ANXA6: variants seen among roughly 807,000 people sequenced by gnomAD.
ANXA6 encodes the protein annexin A6, also known as 67 kDa calelectrin.
ANXA6 carries 71 observed loss-of-function variants against 95.4 expected under a neutral mutation model. The observed-to-expected ratio is 0.74, with a 90% CI of 0.61 to 0.91. The LOEUF (loss-of-function observed/expected upper bound fraction) is 0.91. Ranked by LOEUF, ANXA6 falls within the 40% of genes least tolerant of loss-of-function variation. The pLI, the probability that ANXA6 is intolerant of heterozygous loss-of-function variation, is 0.00. For missense variants in ANXA6, 830 were observed against 876.4 expected (o/e 0.95, Z 0.67); for synonymous variants, 289 against 315.9 (o/e 0.91, Z 0.90).
chr5:151,139,230 T>C (rs1561582183), intron 4 of ANXA6, 123 bp downstream of exon 4: 1 of 674,608 alleles, frequency 1.5e-6, no homozygotes, highest in Non-Finnish European at 2.5e-6. Context: ...AAGAGCAGGG[T>C]AAGGTGTCAG....
At chr5:151,107,865 T>C (rs1764739961) in intron 23 of ANXA6, among the ~76,000 whole-genome samples, 1 of 152,168 alleles carries the variant, frequency 6.6e-6, no homozygotes, top group Admixed American at 6.5e-5. Context: ...GTGTGTCATC[T>C]GCATCTAGCG....
intron 4 of ANXA6, chr5:151,139,145 C>T: frequency 1.7e-6 from 1 of 592,650 alleles, no homozygotes. Context: ...GCCCTAACAC[C>T]TAGCACGAGC....
intron 2 of ANXA6, chr5:151,141,596 T>C (rs1765836768): frequency 1.0e-6 from 1 of 985,528 alleles, no homozygotes; most frequent in Non-Finnish European, 1.2e-6. Context: ...CCCGTCTCCG[T>C]GCCTCCCAAC....
chr5:151,117,859 T>G, intron 18 of ANXA6, 22 bp from the exon 19 acceptor site: 1 of 1,602,180 alleles, frequency 6.2e-7, no homozygotes, highest in Non-Finnish European at 8.5e-7. Context: ...AAAGGGGGTG[T>G]GGGTAGCTGC....
chr5:151,103,724 C>G, intron 24 of ANXA6, 32 bp from the exon 25 acceptor site: 1 of 1,590,378 alleles, frequency 6.3e-7, no homozygotes. Flanking sequence ...GAGACACAGG[C>G]GGAAGGAGAG....
In ANXA6 at chr5:151,117,050, G is replaced by A. The variant is rs536032228; in HGVS notation, c.1572+77C>T. On this transcript the variant is annotated intron_variant, in intron 20 of 25. Coordinates refer to ENST00000354546, the MANE Select transcript of ANXA6 (RefSeq NM_001155.5). Reference sequence around the variant, plus strand: ...GAGCCTTCACTCACAGACAGGGCCCGGCGTAGACACGCATAAGCTGGACCT... The same window carrying A: ...GAGCCTTCACTCACAGACAGGGCCCAGCGTAGACACGCATAAGCTGGACCT... 2.3e-5 allele frequency: 31 copies of A among 1,370,400 alleles called. No individual in the cohort carries two copies. The East Asian group carries it at 4.2e-4, about 18-fold the overall frequency. 84.9% of individuals were successfully genotyped at this position (1,370,400 alleles called of 1,614,324 possible).
Position 151,124,605 on chromosome 5 carries a change from G to A in ANXA6, c.1057-238C>T, listed in dbSNP as rs150201119. On this transcript the variant is annotated intron_variant, in intron 14 of 25. Coordinates refer to ENST00000354546, the MANE Select transcript of ANXA6 (RefSeq NM_001155.5). ...AGAGAGAGGGAGAGAGGGACTCAGG[G>A]CTGGGAGCAGGGCAAGTCCTGATCA... Among the ~76,000 whole-genome samples the A allele has an allele frequency of 4.3e-3, 654 of 152,298 alleles. 5 individuals are homozygous for A. Among genetic ancestry groups the A allele is most frequent in the African/African-American group, 0.014 (569 of 41,554 alleles).
intron 2 of ANXA6, among the ~76,000 whole-genome samples, chr5:151,145,571 T>A (rs1765954803): frequency 6.6e-6 from 1 of 150,642 alleles, no homozygotes; most frequent in African/African-American, 2.5e-5. Context: ...AACTGGGGGG[T>A]GTCTAGGCCA....
At position 151,144,047 on chromosome 5, in the gene ANXA6, G is replaced by A. The variant is rs926198510; in HGVS notation, c.19-3804C>T. 6.6e-5 allele frequency among the ~76,000 whole-genome samples: 10 copies of A among 152,142 alleles called. No individual in the cohort carries two copies. In the South Asian group the frequency reaches 1.0e-3, roughly 16 times the overall value. On this transcript the variant is annotated intron_variant, in intron 2 of 25. Transcript: ENST00000354546. ...GTCACTAAGATCATCCACTAGAAGC[G>A]GGGAAGGCAAAGAGATGAGGCTGGA...
In ANXA6 at chr5:151,134,464, T is replaced by G; in HGVS notation, c.509A>C (p.Asp170Ala). ...VLLQGTREEDDVVSEDLVQQD... is the reference protein window; with the variant it reads ...VLLQGTREEDAVVSEDLVQQD... ...TTGTACCAGGTCCTCGCTCACTACG[T>G]CATCCTCCTCCCTGGTTCCCTGGGC... is the stretch of plus-strand genomic sequence containing the variant. Residue 170 changes from aspartate to alanine, a missense_variant, in exon 8 of 26, where the codon GAC (aspartate) becomes GCC (alanine). Transcript: ENST00000354546. 5 of 1,614,030 alleles carry G rather than the reference T, an allele frequency of 3.1e-6. No individual in the cohort carries two copies. The highest frequency in any genetic ancestry group is 4.2e-6 in the Non-Finnish European group (5 of 1,179,890).
intron 15 of ANXA6, among the ~76,000 whole-genome samples, chr5:151,123,422 G>C (rs548356825): frequency 6.6e-6 from 1 of 152,320 alleles, no homozygotes; most frequent in South Asian, 2.1e-4. Flanking sequence ...AGTCCTGTTA[G>C]CAACTCTATG....
chr5:151,106,132 T>C (rs985586011), intron 23 of ANXA6, among the ~76,000 whole-genome samples: 2 of 152,126 alleles, frequency 1.3e-5, no homozygotes, highest in African/African-American at 4.8e-5. Context: ...TGAACAATCT[T>C]GCAGGATTGG....
intron 16 of ANXA6, among the ~76,000 whole-genome samples, chr5:151,122,482 C>T (rs1251885360): frequency 2.0e-5 from 3 of 152,048 alleles, no homozygotes; most frequent in South Asian, 2.1e-4. Context: ...GAGACAGGAA[C>T]GGGAAGGCAG....
chr5:151,142,457 G>A (rs931326234), intron 2 of ANXA6, among the ~76,000 whole-genome samples: 15 of 150,046 alleles, frequency 1.0e-4, no homozygotes, highest in Admixed American at 5.3e-4. Context: ...CAGCCTGGGC[G>A]ACAGAATGAG....
At chr5:151,155,295 A>G (rs1382519606) in intron 1 of ANXA6, 1 of 152,178 alleles carries the variant, frequency 6.6e-6, no homozygotes, top group African/African-American at 2.4e-5. Flanking sequence ...CAGAAGAGGA[A>G]CTTGAGGCTC....
intron 7 of ANXA6, among the ~76,000 whole-genome samples, chr5:151,134,887 C>T (rs1467921479): frequency 6.6e-6 from 1 of 152,210 alleles, no homozygotes; most frequent in Non-Finnish European, 1.5e-5. Flanking sequence ...AGGATCTGAA[C>T]ATTTGCATTC....
At chr5:151,139,620 C>T (rs1477779444) in intron 3 of ANXA6, among the ~76,000 whole-genome samples, 173 bp from the exon 4 acceptor site, 3 of 152,248 alleles carry the variant, frequency 2.0e-5, no homozygotes, top group East Asian at 1.9e-4. Context: ...TATTAAGTCA[C>T]GACTGAAAGT....
intron 23 of ANXA6, 108 bp downstream of exon 23, chr5:151,108,347 T>C (rs1024098225): frequency 5.0e-6 from 5 of 1,000,046 alleles, no homozygotes; most frequent in African/African-American, 1.6e-5. Context: ...ACTGTGACAG[T>C]GTTTACTTTC....
At chr5:151,138,831 G>A (rs1430107083) in intron 4 of ANXA6, 40 bp from the exon 5 acceptor site, 2 of 1,381,130 alleles carry the variant, frequency 1.4e-6, no homozygotes, top group East Asian at 4.6e-5. Context: ...AGAGGAAAGA[G>A]GAAGAGTAGT....
Sources: allele counts gnomAD v4.1 joint callset (sites outside exome capture counted in the v4.1 genomes callset), GRCh38; gene constraint gnomAD v4.1.1; transcripts MANE v1.5; gene names NCBI Gene and HGNC (gene_info 2026-07-23, HGNC 2026-07-21).